LRP1B: variants seen among roughly 807,000 people sequenced by gnomAD.
LRP1B encodes LDL receptor related protein 1B.
In LRP1B, 217 loss-of-function variants were observed where a neutral mutation model predicts 556.6. The ratio of observed to expected loss-of-function variants is 0.39; its 90% confidence interval spans 0.35 to 0.44. The LOEUF is 0.44. Among genes scored for constraint, LRP1B ranks in the 20% least tolerant of loss-of-function variants. LRP1B has a pLI of 1.00. For synonymous variants in LRP1B, 2,047 were observed against 1,865.8 expected, an observed-to-expected ratio of 1.10 and a Z score of -2.50; for missense variants, 5,053 against 5,620.8, an observed-to-expected ratio of 0.90 and a Z score of 3.23.
intron 84 of LRP1B, among the ~76,000 whole-genome samples, chr2:140,297,130 T>A (rs1390434389): frequency 6.6e-6 from 1 of 151,886 alleles, no homozygotes; most frequent in Non-Finnish European, 1.5e-5. Flanking sequence ...TAGCCTGGGG[T>A]TCCTAGTAAC....
chr2:140,798,105 T>C (rs1365953942), intron 32 of LRP1B, among the ~76,000 whole-genome samples: 1 of 152,152 alleles, frequency 6.6e-6, no homozygotes, highest in Non-Finnish European at 1.5e-5. Flanking sequence ...ACTTGATTTG[T>C]TTATTTGCTT....
chr2:141,952,435 G>C (rs1701132679), intron 1 of LRP1B, among the ~76,000 whole-genome samples: 1 of 152,038 alleles, frequency 6.6e-6, no homozygotes, highest in South Asian at 2.1e-4. Flanking sequence ...TAGATGCCTT[G>C]AACAGAATTA....
At chr2:140,861,589 G>T (rs1358229669) in intron 27 of LRP1B, among the ~76,000 whole-genome samples, 1 of 152,172 alleles carries the variant, frequency 6.6e-6, no homozygotes, top group African/African-American at 2.4e-5. Context: ...TAAGCTGATT[G>T]CTATGAAGGT....
rs570373428 is a variant in LRP1B, at chr2:141,413,152, G to A, written c.343+67244C>T. Among the ~76,000 whole-genome samples the A allele has an allele frequency of 4.5e-4, 68 of 152,174 alleles. 1 individual carries two copies. The highest frequency in any genetic ancestry group is 8.1e-4 in the Non-Finnish European group (55 of 67,992). On this transcript the variant is annotated intron_variant, in intron 3 of 90. Transcript: ENST00000389484. ...TGAGACCGGAGGATTGCTTGAGCCC[G>A]GGAGTTCAAGGCTGCAGGGAGCTAC...
At chr2:140,514,142 T>C (rs952125667) in intron 51 of LRP1B, among the ~76,000 whole-genome samples, 1 of 152,032 alleles carries the variant, frequency 6.6e-6, no homozygotes, top group African/African-American at 2.4e-5. Flanking sequence ...CTTATAAAGC[T>C]ACATTTTAAA....
At chr2:141,135,374 G>A (rs909487340) in intron 7 of LRP1B, among the ~76,000 whole-genome samples, 14 of 152,054 alleles carry the variant, frequency 9.2e-5, no homozygotes, top group African/African-American at 3.4e-4. Flanking sequence ...AGAGTTGAGT[G>A]CTGCAGGTGG....
At chr2:141,004,101 A>T (rs1166087737) in intron 15 of LRP1B, among the ~76,000 whole-genome samples, 1 of 152,106 alleles carries the variant, frequency 6.6e-6, no homozygotes, top group Non-Finnish European at 1.5e-5. Flanking sequence ...TATTACACTT[A>T]TCCCTCCTCT....
intron 60 of LRP1B, among the ~76,000 whole-genome samples, chr2:140,469,530 C>G (rs527698905): frequency 6.6e-6 from 1 of 152,124 alleles, no homozygotes; most frequent in Non-Finnish European, 1.5e-5. Flanking sequence ...GAAGAAGACA[C>G]AAAAAATATT....
At chr2:140,255,112 T>C (rs1387645156) in intron 86 of LRP1B, among the ~76,000 whole-genome samples, 1 of 152,232 alleles carries the variant, frequency 6.6e-6, no homozygotes, top group Admixed American at 6.5e-5. Flanking sequence ...CAAATTTGTC[T>C]ATCTTACATA....
chr2:140,644,736 G>A (rs896271762), intron 41 of LRP1B, among the ~76,000 whole-genome samples: 3 of 151,940 alleles, frequency 2.0e-5, no homozygotes, highest in Non-Finnish European at 4.4e-5. Flanking sequence ...ACAAACATAG[G>A]ACTACATGGT....
At chr2:140,811,897 T>C (rs1389325363) in intron 32 of LRP1B, among the ~76,000 whole-genome samples, 2 of 152,110 alleles carry the variant, frequency 1.3e-5, no homozygotes, top group Non-Finnish European at 2.9e-5. Context: ...GTCAATATAA[T>C]GCTCTATAAA....
Position 140,654,462 on chromosome 2 carries a change from G to GA in LRP1B, c.6799+45787_6799+45788insT, listed in dbSNP as rs371062821. Among the ~76,000 whole-genome samples, 580 of 152,256 alleles carry GA rather than the reference G, an allele frequency of 3.8e-3. 2 individuals are homozygous for GA. The highest frequency in any genetic ancestry group is 0.013 in the African/African-American group (558 of 41,564). On this transcript the variant is annotated intron_variant, in intron 41 of 90. Transcript: ENST00000389484. Reference sequence around the variant, plus strand: ...TTCTTTATCAGTTATTTTAAAGACTGTCAGTAATCAAAATTTGAAGATTGA... The same window carrying GA: ...TTCTTTATCAGTTATTTTAAAGACTGATCAGTAATCAAAATTTGAAGATTGA...
chr2:141,904,134 A>G (rs1393843098), intron 1 of LRP1B, among the ~76,000 whole-genome samples: 1 of 151,980 alleles, frequency 6.6e-6, no homozygotes, highest in African/African-American at 2.4e-5. Context: ...GCAGAGAAAC[A>G]AAATTATGTG....
At chr2:141,972,559 T>C (rs1211874120) in intron 1 of LRP1B, among the ~76,000 whole-genome samples, 2 of 147,768 alleles carry the variant, frequency 1.4e-5, no homozygotes, top group Non-Finnish European at 3.0e-5. Flanking sequence ...GATGACTAAC[T>C]AAATCCACAA....
intron 3 of LRP1B, among the ~76,000 whole-genome samples, chr2:141,375,965 C>T (rs368354666): frequency 6.6e-6 from 1 of 152,080 alleles, no homozygotes; most frequent in East Asian, 1.9e-4. Flanking sequence ...CCCAGGCAAG[C>T]AGTGTGGGCA....
At chr2:141,805,967 G>C (rs1339765690) in intron 2 of LRP1B, among the ~76,000 whole-genome samples, 1 of 152,012 alleles carries the variant, frequency 6.6e-6, no homozygotes, top group Non-Finnish European at 1.5e-5. Flanking sequence ...TGTGACTGAA[G>C]AACTCACTCA....
chr2:141,074,959 C>T (rs1699749978), intron 7 of LRP1B, among the ~76,000 whole-genome samples: 3 of 152,014 alleles, frequency 2.0e-5, no homozygotes, highest in Admixed American at 2.0e-4. Flanking sequence ...TGTATCTAGC[C>T]AATTTTCATC....
intron 3 of LRP1B, among the ~76,000 whole-genome samples, chr2:141,309,365 G>C (rs1362430651): frequency 6.6e-6 from 1 of 152,208 alleles, no homozygotes; most frequent in Non-Finnish European, 1.5e-5. Flanking sequence ...TCCGTGAACG[G>C]AAAAGAGATT....
intron 7 of LRP1B, among the ~76,000 whole-genome samples, chr2:141,136,458 C>A (rs888976454): frequency 2.6e-5 from 4 of 151,490 alleles, no homozygotes; most frequent in African/African-American, 9.7e-5. Context: ...ATTCTCAATT[C>A]CCACATTTTT....
Sources: gnomAD v4.1 joint callset for allele counts (sites outside exome capture counted in the v4.1 genomes callset) on GRCh38, gnomAD v4.1.1 for gene constraint, MANE v1.5 for transcripts, NCBI Gene and HGNC (gene_info 2026-07-23, HGNC 2026-07-21) for gene names.